The following MEGF9 variants were observed in gnomAD, a reference collection of about 807,000 sequenced individuals.
The protein encoded by MEGF9 is multiple EGF like domains 9.
A neutral mutation model predicts 46.8 loss-of-function variants in MEGF9; 6 were observed. The observed-to-expected ratio is 0.13, with a 90% CI of 0.07 to 0.25. The LOEUF is 0.25. Ranked by LOEUF, MEGF9 falls within the 10% of genes least tolerant of loss-of-function variation. The probability of loss-of-function intolerance (pLI) is 1.00; values close to 1 mark genes in which losing one functional copy is unlikely to be tolerated. For missense variants in MEGF9, 683 were observed against 792.4 expected, an observed-to-expected ratio of 0.86 and a Z score of 1.66; for synonymous variants, 302 against 330.7, an observed-to-expected ratio of 0.91 and a Z score of 0.94.
intron 1 of MEGF9, 143 bp downstream of exon 1, chr9:120,713,615 C>G: frequency 4.3e-6 from 5 of 1,159,978 alleles, no homozygotes; most frequent in Non-Finnish European, 5.4e-6. Context: ...GGGAGACTAG[C>G]TGGACCTGGG....
At chr9:120,679,368 A>G (rs2043787945) in intron 1 of MEGF9, among the ~76,000 whole-genome samples, 1 of 151,886 alleles carries the variant, frequency 6.6e-6, no homozygotes, top group African/African-American at 2.4e-5. Flanking sequence ...GCAAACTATC[A>G]CAAGGACAGA....
chr9:120,661,752 C>T (rs1317938478), intron 1 of MEGF9, among the ~76,000 whole-genome samples: 1 of 152,162 alleles, frequency 6.6e-6, no homozygotes, highest in Non-Finnish European at 1.5e-5. Flanking sequence ...TAGCTACTTT[C>T]TGCGTATGTG....
At chr9:120,632,858 A>G (rs2043556805) in intron 2 of MEGF9, among the ~76,000 whole-genome samples, 1 of 152,186 alleles carries the variant, frequency 6.6e-6, no homozygotes, top group Non-Finnish European at 1.5e-5. Context: ...TCATGTGGTT[A>G]CTGTCCTTCA....
rs1321260029 is a variant in MEGF9, at chr9:120,691,624, TA to T, written c.601+22133del. ...TGAATTGCTATTCCAATGACAATTT[TA>T]AGTAACATCAATTGAATTCTTTCCC... On this transcript the variant is annotated intron_variant, in intron 1 of 5. Transcript: ENST00000373930. 15 of 273,824 alleles carry T rather than the reference TA, an allele frequency of 5.5e-5. No individual in the cohort carries two copies. The Admixed American group carries it at 9.3e-4, about 17-fold the overall frequency. The allele number at this position is 273,824 out of a possible 1,614,324, so 17.0% of individuals were successfully genotyped here.
chr9:120,615,465 A>G (rs2043468229), intron 3 of MEGF9, among the ~76,000 whole-genome samples: 1 of 151,892 alleles, frequency 6.6e-6, no homozygotes, highest in Non-Finnish European at 1.5e-5. Flanking sequence ...TTATACCAGA[A>G]TATTTTTTCC....
intron 2 of MEGF9, among the ~76,000 whole-genome samples, chr9:120,625,347 A>G (rs984449721): frequency 7.2e-5 from 11 of 152,306 alleles, no homozygotes; most frequent in Admixed American, 6.5e-4. Flanking sequence ...CTAAGTATTC[A>G]GGGATTAGGG....
chr9:120,680,669 G>A (rs2043794774), intron 1 of MEGF9, among the ~76,000 whole-genome samples: 1 of 152,096 alleles, frequency 6.6e-6, no homozygotes, highest in Non-Finnish European at 1.5e-5. Context: ...ATGTTGTCTG[G>A]GAGCCAGGGA....
intron 1 of MEGF9, among the ~76,000 whole-genome samples, chr9:120,711,873 C>CACACACACA (rs2043955555): frequency 3.8e-5 from 3 of 78,366 alleles, no homozygotes; most frequent in African/African-American, 1.5e-4. Context: ...ACACACACAC[C>CACACACACA]CACAGGCCTG....
chr9:120,696,053 T>C (rs1195590033), intron 1 of MEGF9, among the ~76,000 whole-genome samples: 2 of 152,182 alleles, frequency 1.3e-5, no homozygotes, highest in African/African-American at 4.8e-5. Context: ...TAGCACTTGT[T>C]CTTACATCCA....
intron 2 of MEGF9, among the ~76,000 whole-genome samples, chr9:120,637,515 C>T (rs927505821): frequency 1.3e-4 from 19 of 150,704 alleles, no homozygotes; most frequent in African/African-American, 3.2e-4. Context: ...TGCTCCAGGC[C>T]GGGCGTGGTG....
chr9:120,652,189 A>C (rs1292352651), intron 2 of MEGF9, among the ~76,000 whole-genome samples: 1 of 141,068 alleles, frequency 7.1e-6, no homozygotes, highest in African/African-American at 2.6e-5. Context: ...CACAAAAAAA[A>C]AAAAAAAAAA....
intron 2 of MEGF9, among the ~76,000 whole-genome samples, chr9:120,636,907 G>A (rs1481879408): frequency 6.6e-6 from 1 of 152,256 alleles, no homozygotes; most frequent in East Asian, 1.9e-4. Context: ...GAGCCCCTCT[G>A]CCCGGCCGCC....
intron 1 of MEGF9, among the ~76,000 whole-genome samples, chr9:120,667,193 TCCACAGGGGACCCAAC>T: frequency 6.6e-6 from 1 of 152,312 alleles, no homozygotes; most frequent in East Asian, 1.9e-4. Flanking sequence ...GGCACTAACG[TCCACAGGGGACCCAAC>T]TAATGATTGA....
chr9:120,614,146 C>T (rs2043461099), intron 3 of MEGF9, among the ~76,000 whole-genome samples: 1 of 152,118 alleles, frequency 6.6e-6, no homozygotes, highest in Non-Finnish European at 1.5e-5. Context: ...GCCTCAGCTT[C>T]CCAAGTACCT....
chr9:120,635,452 G>T (rs1160539810), intron 2 of MEGF9, among the ~76,000 whole-genome samples: 1 of 151,704 alleles, frequency 6.6e-6, no homozygotes, highest in South Asian at 2.1e-4. Context: ...ACAAATACTT[G>T]TTCACTTAAT....
At chr9:120,634,002 A>T (rs535948162) in intron 2 of MEGF9, among the ~76,000 whole-genome samples, 1 of 152,342 alleles carries the variant, frequency 6.6e-6, no homozygotes, top group South Asian at 2.1e-4. Context: ...GTAGTCTAAC[A>T]TGTGGTCTAT....
At chr9:120,657,586 G>C (rs2043682655) in intron 2 of MEGF9, among the ~76,000 whole-genome samples, 1 of 152,142 alleles carries the variant, frequency 6.6e-6, no homozygotes, top group South Asian at 2.1e-4. Context: ...GACACTCCAT[G>C]AGACACCAGA....
At chr9:120,689,293 C>T (rs2043837879) in intron 1 of MEGF9, among the ~76,000 whole-genome samples, 1 of 152,046 alleles carries the variant, frequency 6.6e-6, no homozygotes, top group South Asian at 2.1e-4. Flanking sequence ...GCATGTGTAA[C>T]AACATCAAGG....
intron 1 of MEGF9, among the ~76,000 whole-genome samples, chr9:120,672,845 GA>G (rs2043755970): frequency 6.6e-6 from 1 of 152,110 alleles, no homozygotes; most frequent in East Asian, 1.9e-4. Context: ...CCAACATGGA[GA>G]AACCTTGTCT....
Sources: gnomAD v4.1 joint callset for allele counts (sites outside exome capture counted in the v4.1 genomes callset) on GRCh38, gnomAD v4.1.1 for gene constraint, MANE v1.5 for transcripts, NCBI Gene and HGNC (gene_info 2026-07-23, HGNC 2026-07-21) for gene names.